Variants in FGGY observed in about 807,000 individuals in gnomAD.
The protein encoded by FGGY is FGGY carbohydrate kinase domain-containing protein.
Under a neutral mutation model 71.3 loss-of-function variants are expected in FGGY, and 72 were observed. The ratio of observed to expected loss-of-function variants is 1.01; its 90% CI spans 0.84 to 1.23. The LOEUF (loss-of-function observed/expected upper bound fraction) is 1.23, where lower values mean the gene tolerates loss of function less well. Among genes scored for constraint, FGGY ranks in the 50% most tolerant of loss-of-function variants. FGGY has a pLI of 0.00. For missense variants in FGGY, 668 were observed against 682.3 expected (o/e 0.98, Z 0.23); for synonymous variants, 251 against 250.3 (o/e 1.00, Z -0.02).
intron 8 of FGGY, among the ~76,000 whole-genome samples, chr1:59,568,464 C>CGGGGG (rs56724590): frequency 1.7e-4 from 10 of 59,404 alleles, no homozygotes; most frequent in African/African-American, 4.1e-4. Flanking sequence ...GTCGGGGGGG[C>CGGGGG]GGGGGGGGGT....
intron 6 of FGGY, among the ~76,000 whole-genome samples, chr1:59,461,950 A>G (rs950653700): frequency 6.6e-6 from 1 of 151,900 alleles, no homozygotes; most frequent in African/African-American, 2.4e-5. Context: ...AGCATTAGGT[A>G]TATCTCCTAA....
chr1:59,727,692 G>A (rs7523550), intron 14 of FGGY, among the ~76,000 whole-genome samples: 107,021 of 152,016 alleles, frequency 0.7, 37,968 homozygotes, highest in African/African-American at 0.78. Flanking sequence ...AATTAGAAAA[G>A]CCTATTCTAA....
chr1:59,710,260 C>A (rs980400227), intron 14 of FGGY, among the ~76,000 whole-genome samples: 2 of 152,198 alleles, frequency 1.3e-5, no homozygotes, highest in Non-Finnish European at 2.9e-5. Context: ...AAAACTGAAA[C>A]TGGACCCCTT....
chr1:59,310,332 C>T (rs2044089841), intron 1 of FGGY, among the ~76,000 whole-genome samples: 1 of 152,138 alleles, frequency 6.6e-6, no homozygotes, highest in African/African-American at 2.4e-5. Flanking sequence ...ACAGCAACCT[C>T]TTGAAGAAGA....
intron 14 of FGGY, among the ~76,000 whole-genome samples, chr1:59,704,518 T>C (rs1285023057): frequency 1.3e-5 from 2 of 152,132 alleles, no homozygotes; most frequent in African/African-American, 4.8e-5. Context: ...GTAGAGATTG[T>C]ATAATAGAAT....
chr1:59,470,508 C>T (rs1301175591), intron 6 of FGGY, among the ~76,000 whole-genome samples: 1 of 152,160 alleles, frequency 6.6e-6, no homozygotes, highest in East Asian at 1.9e-4. Flanking sequence ...ATTATACAAT[C>T]TTTTCAGTCT....
intron 8 of FGGY, among the ~76,000 whole-genome samples, chr1:59,606,644 A>G (rs12117549): frequency 2.6e-4 from 39 of 152,334 alleles, no homozygotes; most frequent in Non-Finnish European, 5.0e-4. Context: ...TCATCAAATC[A>G]TGCTGACAGG....
intron 8 of FGGY, among the ~76,000 whole-genome samples, chr1:59,574,622 T>C (rs2096047657): frequency 6.6e-6 from 1 of 152,116 alleles, no homozygotes; most frequent in Non-Finnish European, 1.5e-5. Flanking sequence ...ATTTGGAAAA[T>C]ATAAAGTACT....
At chr1:59,322,682 T>G (rs2046623703) in intron 2 of FGGY, among the ~76,000 whole-genome samples, 1 of 152,212 alleles carries the variant, frequency 6.6e-6, no homozygotes, top group Admixed American at 6.5e-5. Context: ...GCCAGGCATA[T>G]GTTCACCCTG....
intron 1 of FGGY, chr1:59,316,464 G>A (rs1410632287): frequency 6.6e-6 from 1 of 152,194 alleles, no homozygotes; most frequent in East Asian, 1.9e-4. Context: ...AGTATTTGTA[G>A]CTTGTACCCC....
intron 8 of FGGY, among the ~76,000 whole-genome samples, chr1:59,588,375 A>G (rs1014936917): frequency 6.6e-6 from 1 of 152,024 alleles, no homozygotes; most frequent in African/African-American, 2.4e-5. Context: ...ACTCTGCAGG[A>G]TATTATCCAG....
intron 9 of FGGY, among the ~76,000 whole-genome samples, chr1:59,615,470 C>T (rs1466869530): frequency 2.0e-5 from 3 of 152,170 alleles, no homozygotes; most frequent in Non-Finnish European, 2.9e-5. Context: ...TGGATCCCTT[C>T]CTTACACCCT....
At chr1:59,427,139 A>G (rs1322512060) in intron 5 of FGGY, among the ~76,000 whole-genome samples, 1 of 152,216 alleles carries the variant, frequency 6.6e-6, no homozygotes, top group Admixed American at 6.5e-5. Flanking sequence ...AAGAGGGCAC[A>G]TTTAATATTC....
chr1:59,462,153 G>A (rs192806299), intron 6 of FGGY, among the ~76,000 whole-genome samples: 1,920 of 152,042 alleles, frequency 0.013, 20 homozygotes, highest in Non-Finnish European at 0.017. Context: ...AAATAACGCC[G>A]CATATCTACA....
At chr1:59,534,436 A>C (rs903211449) in intron 7 of FGGY, among the ~76,000 whole-genome samples, 1 of 152,188 alleles carries the variant, frequency 6.6e-6, no homozygotes, top group Non-Finnish European at 1.5e-5. Flanking sequence ...AACTCCCCCA[A>C]TCTAGCAAGG....
Position 59,667,360 on chromosome 1 carries a change from C to CAT in FGGY, c.1375_1376insTA (p.Ser459IlefsTer53), listed in dbSNP as rs1329560253. On this transcript the variant is annotated frameshift_variant, in exon 13 of 16. Coordinates refer to ENST00000303721, the MANE Select transcript of FGGY (RefSeq NM_018291.5). LOFTEE classifies it high-confidence loss of function. ...GTACTCTTTTCCTATGTGGAGGCCT[C>CAT]AGCAAGAATCCCCTTTTTGTGCAAA... 1.2e-6 allele frequency: 2 copies of CAT among 1,614,038 alleles called. No individual in the cohort carries two copies. The highest frequency in any genetic ancestry group is 1.7e-6 in the Non-Finnish European group (2 of 1,180,022).
intron 9 of FGGY, among the ~76,000 whole-genome samples, chr1:59,624,552 CAT>C (rs1331207317): frequency 1.3e-5 from 2 of 152,236 alleles, no homozygotes; most frequent in East Asian, 3.9e-4. Flanking sequence ...CTGATACGGA[CAT>C]ACCTGAGACT....
intron 6 of FGGY, among the ~76,000 whole-genome samples, chr1:59,468,123 G>A (rs567609471): frequency 9.1e-4 from 139 of 152,088 alleles, no homozygotes; most frequent in African/African-American, 3.3e-3. Context: ...GGCTGGTCTC[G>A]AACTCTCGAC....
chr1:59,345,361 G>A (rs954895738), intron 3 of FGGY, among the ~76,000 whole-genome samples: 2 of 152,160 alleles, frequency 1.3e-5, no homozygotes, highest in African/African-American at 4.8e-5. Context: ...GCATCAGAGG[G>A]CTGTTAAAGG....
Sources: gnomAD v4.1 joint callset for allele counts (sites outside exome capture counted in the v4.1 genomes callset) on GRCh38, gnomAD v4.1.1 for gene constraint, MANE v1.5 for transcripts, NCBI Gene and HGNC (gene_info 2026-07-23, HGNC 2026-07-21) for gene names.